Variants in MS4A6A observed in about 807,000 individuals in gnomAD.
MS4A6A encodes membrane spanning 4-domains A6A.
A neutral mutation model predicts 20.6 loss-of-function variants in MS4A6A; 19 were observed. That is an observed-to-expected ratio of 0.92 (90% confidence interval 0.64 to 1.36). The LOEUF (loss-of-function observed/expected upper bound fraction) is 1.36, where lower values mean the gene tolerates loss of function less well. Among genes scored for constraint, MS4A6A ranks in the 40% most tolerant of loss-of-function variants. MS4A6A has a pLI of 0.00. For synonymous variants in MS4A6A, 108 were observed against 105.0 expected (o/e 1.03, Z -0.17); for missense variants, 272 against 261.1 (o/e 1.04, Z -0.29).
intron 5 of MS4A6A, among the ~76,000 whole-genome samples, chr11:60,173,745 G>A (rs561094406): frequency 1.3e-5 from 2 of 150,810 alleles, no homozygotes; most frequent in South Asian, 4.2e-4. Flanking sequence ...TTTTTTTTGG[G>A]GGTGTAACTG....
rs1856634007 is a variant in MS4A6A at position 60,172,571 on chromosome 11, G to T, written c.*430C>A. 1.8e-6 allele frequency: 2 copies of T among 1,126,584 alleles called. No homozygotes were observed. Among genetic ancestry groups the T allele is most frequent in the African/African-American group, 3.2e-5 (2 of 63,008 alleles). 69.8% of individuals were successfully genotyped at this position (1,126,584 alleles called of 1,614,324 possible). On this transcript the variant is annotated 3_prime_UTR_variant, in exon 6 of 6. Coordinates refer to ENST00000528851, the MANE Select transcript of MS4A6A (RefSeq NM_022349.4). ...TTTAAGATCACCAGGGGCAAATGCA[G>T]AGCATAAGACATTCACTGGATCCAG... is the stretch of plus-strand genomic sequence containing the variant.
At position 60,180,663 on chromosome 11, in the gene MS4A6A, AAGGCCTCAG is replaced by A. The variant is rs200602194; in HGVS notation, c.148-707_148-699del. 1,048 of 168,702 alleles carry A rather than the reference AAGGCCTCAG, an allele frequency of 6.2e-3. 11 individuals carry two copies. Among genetic ancestry groups the A allele is most frequent in the African/African-American group, 0.024 (995 of 41,694 alleles). 10.5% of individuals were successfully genotyped at this position (168,702 alleles called of 1,614,324 possible). ...TCTCCTCCCACCCTCCACCCTCTGA[AAGGCCTCAG>A]TGTGCATTGTTCTGTTCTACGTGTC... On this transcript the variant is annotated intron_variant, in intron 2 of 5. Transcript: ENST00000528851.
intron 3 of MS4A6A, among the ~76,000 whole-genome samples, chr11:60,179,168 A>T (rs1190691970): frequency 6.6e-6 from 1 of 152,312 alleles, no homozygotes; most frequent in East Asian, 1.9e-4. Context: ...ATAGCTACTG[A>T]ATTGCAGGAA....
At chr11:60,174,581 C>T (rs1489293674) in intron 5 of MS4A6A, among the ~76,000 whole-genome samples, 1 of 152,112 alleles carries the variant, frequency 6.6e-6, no homozygotes, top group Non-Finnish European at 1.5e-5. Flanking sequence ...ACCAGGGCCT[C>T]CCAAAATGCT....
intron 1 of MS4A6A, chr11:60,182,380 T>C (rs1188330735): frequency 1.3e-5 from 2 of 152,344 alleles, no homozygotes; most frequent in Admixed American, 6.5e-5. Flanking sequence ...ACCCTTATTG[T>C]TCACCCTGGT....
intron 5 of MS4A6A, 59 bp downstream of exon 5, chr11:60,175,343 A>T (rs1003914593): frequency 5.8e-6 from 8 of 1,386,812 alleles, no homozygotes; most frequent in Non-Finnish European, 8.0e-6. Context: ...AGGAATAACA[A>T]GAAATCAAGG....
upstream of MS4A6A, chr11:60,183,429 C>T (rs1479886114): frequency 6.3e-6 from 3 of 476,974 alleles, no homozygotes; most frequent in Non-Finnish European, 7.5e-6. Flanking sequence ...CTTTCAATAA[C>T]ATGTAACTAA....
At chr11:60,178,509 A>G (rs1486456499) in intron 3 of MS4A6A, among the ~76,000 whole-genome samples, 193 bp from the exon 4 acceptor site, 1 of 152,160 alleles carries the variant, frequency 6.6e-6, no homozygotes, top group Non-Finnish European at 1.5e-5. Flanking sequence ...GAAAAAAAAA[A>G]GATAGCAGAA....
In MS4A6A at chr11:60,181,563, G is replaced by A. The variant is rs112553099; in HGVS notation, c.147+18C>T. On this transcript the variant is annotated intron_variant, in intron 2 of 5. Coordinates refer to ENST00000528851, the MANE Select transcript of MS4A6A (RefSeq NM_022349.4). ...ACTTCCCCCAACCCCTCTCCAACACGTTCTGAATTAGATTTACCCCAATAA... is the reference window on the plus strand; with the variant it reads ...ACTTCCCCCAACCCCTCTCCAACACATTCTGAATTAGATTTACCCCAATAA... 3,267 of 1,613,564 alleles carry A rather than the reference G, an allele frequency of 2.0e-3. 60 individuals carry two copies. The African/African-American group carries it at 0.039, about 19-fold the overall frequency.
In MS4A6A at chr11:60,175,549, G is replaced by A. The variant is rs1190567117; in HGVS notation, c.402C>T (p.Ile134=). Residue 134 remains isoleucine (I), a synonymous_variant, in exon 5 of 6, where the codon ATC becomes ATT. Coordinates refer to ENST00000528851, the MANE Select transcript of MS4A6A (RefSeq NM_022349.4). The stretch of plus-strand genomic sequence containing the variant: ...TTAAGGTGGCCTGTTTGACAGACAG[G>A]ATAATGAAACCCACCAGGGCAGACA... ...SALSALVGFI[I]LSVKQATLNP... 1 of 1,613,968 alleles carries A rather than the reference G, an allele frequency of 6.2e-7. No homozygotes were observed. The highest frequency in any genetic ancestry group is 1.1e-5 in the South Asian group (1 of 91,080).
chr11:60,177,839 A>G (rs1856925310), intron 4 of MS4A6A: 5 of 216,090 alleles, frequency 2.3e-5, no homozygotes, highest in Non-Finnish European at 4.6e-5. Flanking sequence ...CACATGAACA[A>G]CACTTTGACT....
chr11:60,172,394 A>G, downstream of MS4A6A: 3 of 1,407,400 alleles, frequency 2.1e-6, no homozygotes, highest in Non-Finnish European at 2.8e-6. Flanking sequence ...TCTTCAAATA[A>G]TTGCAATTTA....
chr11:60,179,155 C>A (rs1856998105), intron 3 of MS4A6A, among the ~76,000 whole-genome samples: 1 of 151,992 alleles, frequency 6.6e-6, no homozygotes, highest in South Asian at 2.1e-4. Flanking sequence ...GTAAGAAAAA[C>A]AAATAGCTAC....
chr11:60,183,110 A>T (rs2083827421), upstream of MS4A6A: 11 of 1,532,036 alleles, frequency 7.2e-6, no homozygotes, highest in Non-Finnish European at 8.7e-6. Context: ...TCCAGTGTTT[A>T]CAGCTATACA....
chr11:60,178,473 G>A, intron 3 of MS4A6A, 157 bp from the exon 4 acceptor site: 1 of 552,330 alleles, frequency 1.8e-6, no homozygotes, highest in Non-Finnish European at 3.2e-6. Context: ...TTGTCCCTTT[G>A]TCCATATAAC....
At chr11:60,183,163 C>A, upstream of MS4A6A, 3 of 1,535,864 alleles carry the variant, frequency 2.0e-6, no homozygotes, top group Non-Finnish European at 1.7e-6. Flanking sequence ...AATGTTCCTG[C>A]ACTTCCTTTT....
downstream of MS4A6A, chr11:60,172,070 G>T: frequency 7.7e-7 from 1 of 1,296,748 alleles, no homozygotes; most frequent in African/African-American, 1.5e-5. Flanking sequence ...TTACATTTAG[G>T]AAACTCAAGC....
At chr11:60,172,104 T>G, downstream of MS4A6A, 1 of 1,557,244 alleles carries the variant, frequency 6.4e-7, no homozygotes, top group South Asian at 1.2e-5. Context: ...AATGGTTAAC[T>G]TTTCCATATT....
chr11:60,175,707 C>T, intron 4 of MS4A6A, 96 bp from the exon 5 acceptor site: 1 of 1,303,684 alleles, frequency 7.7e-7, no homozygotes, highest in South Asian at 1.3e-5. Context: ...CTTATCTGTC[C>T]CCTCAGGAGG....
Sources: gnomAD v4.1 joint callset for allele counts (sites outside exome capture counted in the v4.1 genomes callset) on GRCh38, gnomAD v4.1.1 for gene constraint, MANE v1.5 for transcripts, NCBI Gene and HGNC (gene_info 2026-07-23, HGNC 2026-07-21) for gene names.